The following PPHLN1 variants were observed in gnomAD, a reference collection of about 807,000 sequenced individuals.
PPHLN1 encodes the protein periphilin-1.
Under a neutral mutation model 51.3 loss-of-function variants are expected in PPHLN1, and 29 were observed. The ratio of observed to expected loss-of-function variants is 0.57; its 90% CI spans 0.42 to 0.77. The LOEUF (loss-of-function observed/expected upper bound fraction) is 0.77. Among genes scored for constraint, PPHLN1 ranks in the 30% least tolerant of loss-of-function variants. The pLI is 0.00. For synonymous variants in PPHLN1, 147 were observed against 147.8 expected, an observed-to-expected ratio of 0.99 and a Z score of 0.04; for missense variants, 436 against 438.4, an observed-to-expected ratio of 0.99 and a Z score of 0.05.
In PPHLN1 at chr12:42,355,230, G is replaced by T; in HGVS notation, c.299+8G>T. The T allele has an allele frequency of 6.2e-7, 1 of 1,610,132 alleles. No individual in the cohort carries two copies. The highest frequency in any genetic ancestry group is 1.3e-5 in the African/African-American group (1 of 74,926). ...CAGGCAACCTGAATACAGGTAAAAG[G>T]ATAAAAATAATAGCATAAGTACTTT... On this transcript the variant is annotated splice_region_variant and intron_variant, in intron 4 of 9. Transcript: ENST00000358314.
chr12:42,347,244 GAAATGCCTGTTTATGGT>G (rs1426156281), intron 2 of PPHLN1: 1 of 152,136 alleles, frequency 6.6e-6, no homozygotes, highest in Non-Finnish European at 1.5e-5. Context: ...CTTCTTTGGA[GAAATGCCTGTTTATGGT>G]CTTTGTCCAT....
intron 9 of PPHLN1, among the ~76,000 whole-genome samples, chr12:42,423,373 C>G (rs890767043): frequency 2.6e-5 from 4 of 151,886 alleles, no homozygotes; most frequent in Non-Finnish European, 4.4e-5. Context: ...TTTAATCTAC[C>G]TGATACCACA....
At chr12:42,387,784 C>T (rs2077315096) in intron 7 of PPHLN1, among the ~76,000 whole-genome samples, 1 of 152,166 alleles carries the variant, frequency 6.6e-6, no homozygotes, top group Non-Finnish European at 1.5e-5. Context: ...ACATAAGAAA[C>T]TCCATTTTGA....
chr12:42,349,729 GT>G (rs1460319697), intron 2 of PPHLN1, among the ~76,000 whole-genome samples: 1 of 152,028 alleles, frequency 6.6e-6, no homozygotes, highest in Non-Finnish European at 1.5e-5. Context: ...TGGGGGTAAG[GT>G]TATAGATTAA....
At chr12:42,388,415 C>T (rs1354003751) in intron 7 of PPHLN1, among the ~76,000 whole-genome samples, 2 of 152,142 alleles carry the variant, frequency 1.3e-5, no homozygotes, top group Non-Finnish European at 2.9e-5. Flanking sequence ...TAGTACCTCC[C>T]CTTGAACTTA....
rs752615862 is a variant in PPHLN1, at chr12:42,387,445, T to C, written c.569-11T>C. The C allele has an allele frequency of 6.3e-7, 1 of 1,587,872 alleles. No homozygotes were observed. Among genetic ancestry groups the C allele is most frequent in the Non-Finnish European group, 8.5e-7 (1 of 1,171,896 alleles). ...TAGAAAAAAAATTACATCTTATGTT[T>C]TCTTATATAGATAAAGAGAGGCCTG... On this transcript the variant is annotated splice_polypyrimidine_tract_variant and intron_variant, in intron 6 of 9. Coordinates refer to ENST00000358314, the MANE Select transcript of PPHLN1 (RefSeq NM_201439.2).
rs536307958 is a variant in PPHLN1 at position 42,439,305 on chromosome 12, A to G, written c.910-2010A>G. Among the ~76,000 whole-genome samples, 4 of 152,248 alleles carry G rather than the reference A, an allele frequency of 2.6e-5. No homozygotes were observed. In the East Asian group the frequency reaches 5.8e-4, roughly 22 times the overall value. The stretch of plus-strand genomic sequence containing the variant: ...GTACTGCTCAACTTGTTGAAGTTCA[A>G]TGAAGTCTTGAACGTAACTGTCAAG... On this transcript the variant is annotated intron_variant, in intron 9 of 9. Coordinates refer to ENST00000358314, the MANE Select transcript of PPHLN1 (RefSeq NM_201439.2).
At chr12:42,399,692 T>C (rs2078612442) in intron 9 of PPHLN1, 1 of 152,900 alleles carries the variant, frequency 6.5e-6, no homozygotes, top group African/African-American at 2.4e-5. Context: ...TCTACATCAA[T>C]TAAATCCGTT....
rs372529661 is a variant in PPHLN1 at position 42,385,036 on chromosome 12, G to T, written c.568+40G>T. ...AGACTCTGATTTGGGATTGTGAAGG[G>T]GTGGGAGACTTGAACTGATAGCGGT... is the stretch of plus-strand genomic sequence containing the variant. On this transcript the variant is annotated intron_variant, in intron 6 of 9. Transcript: ENST00000358314. 4 of 1,541,376 alleles carry T rather than the reference G, an allele frequency of 2.6e-6. No individual in the cohort carries two copies. The African/African-American group carries it at 4.1e-5, about 16-fold the overall frequency.
chr12:42,374,204 G>GGTA, intron 4 of PPHLN1, among the ~76,000 whole-genome samples: 1 of 152,224 alleles, frequency 6.6e-6, no homozygotes, highest in East Asian at 1.9e-4. Flanking sequence ...TTGAGAATGT[G>GGTA]GTAGCTGTGT....
chr12:42,437,364 T>C (rs2082570639), intron 9 of PPHLN1, among the ~76,000 whole-genome samples: 2 of 152,238 alleles, frequency 1.3e-5, no homozygotes. Context: ...TTAGATTAAA[T>C]GCTTCCTATG....
intron 9 of PPHLN1, among the ~76,000 whole-genome samples, chr12:42,410,251 T>A (rs1035352845): frequency 6.6e-6 from 1 of 151,734 alleles, no homozygotes; most frequent in African/African-American, 2.4e-5. Flanking sequence ...AGCAAAAGAG[T>A]AAATAATGTT....
At chr12:42,334,685 C>T (rs2070323980) in intron 1 of PPHLN1, among the ~76,000 whole-genome samples, 1 of 152,190 alleles carries the variant, frequency 6.6e-6, no homozygotes, top group Non-Finnish European at 1.5e-5. Flanking sequence ...CTGAAAGGTA[C>T]TAACTTACTA....
intron 1 of PPHLN1, among the ~76,000 whole-genome samples, chr12:42,335,215 AC>A (rs570057319): frequency 3.0e-4 from 45 of 149,390 alleles, no homozygotes; most frequent in African/African-American, 7.2e-4. Flanking sequence ...ACACCGTCCC[AC>A]CCCCCCCTTC....
At chr12:42,421,533 C>A (rs554078873) in intron 9 of PPHLN1, among the ~76,000 whole-genome samples, 2 of 152,000 alleles carry the variant, frequency 1.3e-5, no homozygotes, top group South Asian at 4.2e-4. Context: ...TTTTTAGTAG[C>A]GATGGGGTTT....
rs772838024 is a variant in PPHLN1 at position 42,374,930 on chromosome 12, TATAAAAGGGACA to T, written c.371_382del (p.Lys124_Asn127del). On this transcript the variant is annotated inframe_deletion, in exon 5 of 10. Coordinates refer to ENST00000358314, the MANE Select transcript of PPHLN1 (RefSeq NM_201439.2). The stretch of plus-strand genomic sequence containing the variant: ...CCATTATGCGAGAGAGCGGTCTCCT[TATAAAAGGGACA>T]ATACTTTTTTCAGAGAATCACCTGT... 2.5e-6 allele frequency: 4 copies of T among 1,614,002 alleles called. No individual in the cohort carries two copies. The East Asian group carries it at 8.9e-5, about 36-fold the overall frequency.
intron 9 of PPHLN1, among the ~76,000 whole-genome samples, chr12:42,437,113 A>G (rs546289061): frequency 1.8e-4 from 27 of 152,202 alleles, no homozygotes; most frequent in African/African-American, 5.5e-4. Flanking sequence ...CTCTTTGTTA[A>G]TTTATCAGTT....
At chr12:42,422,319 G>A (rs1315238332) in intron 9 of PPHLN1, among the ~76,000 whole-genome samples, 1 of 152,212 alleles carries the variant, frequency 6.6e-6, no homozygotes, top group Non-Finnish European at 1.5e-5. Context: ...AAATGTGTAT[G>A]AGGAGAAGAA....
rs2073422511 is a variant in PPHLN1, at chr12:42,351,985, A to G, written c.173A>G (p.Tyr58Cys). ...AATAGATATTACAGTCATGTTGATT[A>G]CCGAGACTATGACGAGGGCCGCAGT... is the stretch of plus-strand genomic sequence containing the variant. ...SYNRYYSHVD[Y>C]RDYDEGRSFS... is the part of the protein sequence containing the mutation. The change falls in exon 3 of 10, where the codon TAC becomes TGC. Residue 58 changes from tyrosine to cysteine, a missense_variant. Coordinates refer to ENST00000358314, the MANE Select transcript of PPHLN1 (RefSeq NM_201439.2). The G allele has an allele frequency of 6.3e-7, 1 of 1,575,212 alleles. No individual in the cohort carries two copies. The highest frequency in any genetic ancestry group is 8.6e-7 in the Non-Finnish European group (1 of 1,165,630).
Sources: gnomAD v4.1 joint callset for allele counts (sites outside exome capture counted in the v4.1 genomes callset) on GRCh38, gnomAD v4.1.1 for gene constraint, MANE v1.5 for transcripts, NCBI Gene and HGNC (gene_info 2026-07-23, HGNC 2026-07-21) for gene names.